Variants in LARGE1 observed in about 807,000 individuals in gnomAD.
LARGE1 encodes the protein LARGE xylosyl- and glucuronyltransferase 1, also known as xylosyl- and glucuronyltransferase LARGE1.
A neutral mutation model predicts 87.6 loss-of-function variants in LARGE1; 43 were observed. The observed-to-expected ratio is 0.49, with a 90% CI of 0.38 to 0.63. The LOEUF (loss-of-function observed/expected upper bound fraction) is 0.63. LARGE1 is among the 30% of genes least tolerant of loss of function. The pLI is 0.00. For synonymous variants in LARGE1, 434 were observed against 394.6 expected, an observed-to-expected ratio of 1.10 and a Z score of -1.18; for missense variants, 802 against 1,000.2, an observed-to-expected ratio of 0.80 and a Z score of 2.67.
rs11913737 is a variant in LARGE1, at chr22:33,197,372, T to C, written c.1731-30540A>G. ...AAACTGTCTTCATTTACAGAAAATGTGATTGTTTATATATAAAATTCAAAT... is the reference window on the plus strand; with the variant it reads ...AAACTGTCTTCATTTACAGAAAATGCGATTGTTTATATATAAAATTCAAAT... On this transcript the variant is annotated intron_variant, in intron 11 of 11. Coordinates refer to the LARGE1 transcript ENST00000608642. Among the ~76,000 whole-genome samples, 1,222 of 152,098 alleles carry C rather than the reference T, an allele frequency of 8.0e-3. 55 individuals are homozygous for C. The South Asian group carries it at 0.12, about 15-fold the overall frequency.
At chr22:33,764,538 A>G (rs935551510) in intron 1 of LARGE1, among the ~76,000 whole-genome samples, 2 of 152,084 alleles carry the variant, frequency 1.3e-5, no homozygotes, top group African/African-American at 4.8e-5. Flanking sequence ...TGGGCAGATC[A>G]CCTGAGGTCA....
At chr22:33,531,857 T>C (rs2072219673) in intron 6 of LARGE1, among the ~76,000 whole-genome samples, 1 of 152,228 alleles carries the variant, frequency 6.6e-6, no homozygotes, top group Admixed American at 6.5e-5. Context: ...ATGCAAGGTT[T>C]GCTCAGGCTG....
At chr22:33,117,426 CATT>C in the LARGE1 span, among the ~76,000 whole-genome samples, 2 of 119,672 alleles carry the variant, frequency 1.7e-5, no homozygotes, top group African/African-American at 3.4e-5. Context: ...ACTTCTCTCA[CATT>C]ATTAACTTTT....
chr22:33,711,434 G>A (rs762348951), intron 2 of LARGE1, among the ~76,000 whole-genome samples: 1 of 152,160 alleles, frequency 6.6e-6, no homozygotes, highest in Non-Finnish European at 1.5e-5. Context: ...ATATTGAATA[G>A]ACCATGGGTC....
chr22:33,347,879 T>C (rs993744637), intron 9 of LARGE1, among the ~76,000 whole-genome samples: 6 of 152,184 alleles, frequency 3.9e-5, no homozygotes, highest in Non-Finnish European at 8.8e-5. Context: ...TAAAGGTATA[T>C]TGCATGTGTT....
At chr22:33,206,630 C>T (rs1284104384) in intron 11 of LARGE1, among the ~76,000 whole-genome samples, 2 of 152,166 alleles carry the variant, frequency 1.3e-5, no homozygotes, top group Admixed American at 6.5e-5. Flanking sequence ...CAGAAAGAAA[C>T]CATATGGAAA....
intron 12 of LARGE1, among the ~76,000 whole-genome samples, chr22:33,298,713 C>T (rs1401714860): frequency 6.6e-6 from 1 of 152,134 alleles, no homozygotes; most frequent in Non-Finnish European, 1.5e-5. Flanking sequence ...CAACTGTAGT[C>T]CCAGCTACTT....
At chr22:33,265,067 AT>A (rs999123132) in intron 11 of LARGE1, among the ~76,000 whole-genome samples, 3 of 150,666 alleles carry the variant, frequency 2.0e-5, no homozygotes, top group Admixed American at 6.6e-5. Flanking sequence ...TGCCTGGCTA[AT>A]TTTTTTTATT....
chr22:33,096,538 T>G, the LARGE1 span, among the ~76,000 whole-genome samples: 2 of 148,562 alleles, frequency 1.3e-5, no homozygotes, highest in Non-Finnish European at 3.0e-5. Context: ...TTTGTTCTTT[T>G]GTTTTTTGTT....
At chr22:33,832,826 GC>G (rs146040885) in intron 1 of LARGE1, among the ~76,000 whole-genome samples, 2,840 of 152,332 alleles carry the variant, frequency 0.019, 84 homozygotes, top group African/African-American at 0.065. Flanking sequence ...CTGGACTGAG[GC>G]CCAGGATCTA....
chr22:33,811,085 T>C (rs1373094630), intron 1 of LARGE1, among the ~76,000 whole-genome samples: 1 of 152,060 alleles, frequency 6.6e-6, no homozygotes, highest in East Asian at 1.9e-4. Context: ...GATGGGTAAA[T>C]TGGGTGTTCA....
At chr22:33,625,801 C>T (rs1037230769) in intron 4 of LARGE1, among the ~76,000 whole-genome samples, 3 of 151,996 alleles carry the variant, frequency 2.0e-5, no homozygotes, top group Non-Finnish European at 4.4e-5. Flanking sequence ...CACTAATGAC[C>T]CCATTTTAAT....
intron 7 of LARGE1, among the ~76,000 whole-genome samples, chr22:33,406,880 C>A (rs2066120761): frequency 6.6e-6 from 1 of 152,076 alleles, no homozygotes; most frequent in Non-Finnish European, 1.5e-5. Context: ...GCAACCTCCA[C>A]CTCCCAGGTT....
At chr22:33,194,740 G>A (rs1049791207) in intron 11 of LARGE1, among the ~76,000 whole-genome samples, 2 of 152,082 alleles carry the variant, frequency 1.3e-5, no homozygotes, top group African/African-American at 2.4e-5. Context: ...CCAGGGACAC[G>A]GAATGATAGT....
At chr22:33,667,330 G>T (rs955437852) in intron 2 of LARGE1, among the ~76,000 whole-genome samples, 1 of 152,256 alleles carries the variant, frequency 6.6e-6, no homozygotes, top group African/African-American at 2.4e-5. Context: ...CAAATTCTAA[G>T]TATCTGATGG....
intron 2 of LARGE1, among the ~76,000 whole-genome samples, chr22:33,660,890 ATG>A (rs985434722): frequency 4.6e-5 from 7 of 152,210 alleles, no homozygotes; most frequent in African/African-American, 1.7e-4. Context: ...TTTGCAATAA[ATG>A]TGTTATTTGA....
intron 9 of LARGE1, among the ~76,000 whole-genome samples, chr22:33,357,662 C>T (rs1941018309): frequency 6.6e-6 from 1 of 152,030 alleles, no homozygotes; most frequent in African/African-American, 2.4e-5. Flanking sequence ...GGCATGGTGG[C>T]CCATGCCTGT....
At chr22:33,336,315 C>T (rs949302982) in intron 10 of LARGE1, among the ~76,000 whole-genome samples, 5 of 152,122 alleles carry the variant, frequency 3.3e-5, no homozygotes, top group Admixed American at 1.3e-4. Context: ...ATTCTCCTAC[C>T]TCAGCCTCCC....
In LARGE1 at chr22:33,246,974, A is replaced by G. The variant is rs1735765085; in HGVS notation, c.1730+57255T>C. On this transcript the variant is annotated intron_variant, in intron 11 of 11. Coordinates refer to the LARGE1 transcript ENST00000608642. ...CACAGAGAATAATCAGTAGCCAACA[A>G]TATGTCTCACAATCTTGATCTAAGG... Among the ~76,000 whole-genome samples the G allele has an allele frequency of 3.9e-5, 6 of 152,176 alleles. No homozygotes were observed. The South Asian group carries it at 1.2e-3, about 32-fold the overall frequency.
Sources: gnomAD v4.1 joint callset for allele counts (sites outside exome capture counted in the v4.1 genomes callset) on GRCh38, gnomAD v4.1.1 for gene constraint, MANE v1.5 for transcripts, NCBI Gene and HGNC (gene_info 2026-07-23, HGNC 2026-07-21) for gene names.